GON4L: variants seen among roughly 807,000 people sequenced by gnomAD.
GON4L encodes gon-4 like.
A neutral mutation model predicts 211.8 loss-of-function variants in GON4L; 87 were observed. The observed-to-expected ratio is 0.41, with a 90% confidence interval of 0.35 to 0.49. GON4L has a LOEUF of 0.49. Ranked by LOEUF, GON4L falls within the 20% of genes least tolerant of loss-of-function variation. The pLI is 0.15. For missense variants in GON4L, 2,155 were observed against 2,659.5 expected (o/e 0.81, Z 4.17); for synonymous variants, 875 against 962.6 (o/e 0.91, Z 1.68).
At chr1:155,852,026 G>A (rs1358337802) in intron 2 of GON4L, among the ~76,000 whole-genome samples, 4 of 151,278 alleles carry the variant, frequency 2.6e-5, no homozygotes, top group Admixed American at 6.6e-5. Flanking sequence ...TTAGCTGGAC[G>A]TGGTGGCAGG....
chr1:155,824,478 C>G (rs1326684091), intron 3 of GON4L, among the ~76,000 whole-genome samples: 1 of 136,542 alleles, frequency 7.3e-6, no homozygotes, highest in Non-Finnish European at 1.5e-5. Context: ...GGCACGGTGG[C>G]TCATGCCTGT....
intron 2 of GON4L, among the ~76,000 whole-genome samples, chr1:155,844,665 G>A (rs577538716): frequency 6.6e-6 from 1 of 152,222 alleles, no homozygotes; most frequent in African/African-American, 2.4e-5. Flanking sequence ...GGCTAAGGCA[G>A]GAGGATCACT....
At chr1:155,807,296 A>G (rs148976416) in intron 10 of GON4L, among the ~76,000 whole-genome samples, 2 of 152,046 alleles carry the variant, frequency 1.3e-5, no homozygotes, top group Admixed American at 1.3e-4. Flanking sequence ...GCTATGCAAG[A>G]GCCAACGTGG....
chr1:155,765,427 T>C lies in GON4L; in HGVS notation c.4046A>G (p.Lys1349Arg), dbSNP rs1228644065. The change falls in exon 21 of 32, where the codon AAA becomes AGA. Residue 1349 changes from lysine (K) to arginine (R), a missense_variant. Lys to Arg is a conservative substitution (Grantham distance 26). Transcript: ENST00000368331. ...SPERDICDDI[K>R]VEHAVELDTG... ...GTCCAATTCCACAGCATGTTCCACT[T>C]TGATGTCATCACAAATATCACGCTC... The C allele has an allele frequency of 5.0e-6, 8 of 1,614,084 alleles. No homozygotes were observed. Among genetic ancestry groups the C allele is most frequent in the East Asian group, 2.2e-5 (1 of 44,902 alleles).
intron 28 of GON4L, among the ~76,000 whole-genome samples, chr1:155,753,787 C>G (rs1481255850): frequency 1.3e-5 from 2 of 152,106 alleles, no homozygotes. Flanking sequence ...TGGTGGTACA[C>G]TATAGCCTCA....
At chr1:155,804,918 T>TA in intron 11 of GON4L, 31 bp downstream of exon 11, 1 of 1,501,480 alleles carries the variant, frequency 6.7e-7, no homozygotes, top group Non-Finnish European at 9.3e-7. Flanking sequence ...TAATGGACAG[T>TA]ATACATAATA....
intron 1 of GON4L, among the ~76,000 whole-genome samples, chr1:155,854,803 A>C (rs562983097): frequency 8.2e-4 from 125 of 152,310 alleles, no homozygotes; most frequent in Non-Finnish European, 1.7e-3. Context: ...TGGGAGGCCA[A>C]GGTGGGCAGA....
intron 11 of GON4L, among the ~76,000 whole-genome samples, chr1:155,799,243 T>C (rs1394841294): frequency 6.6e-6 from 1 of 152,188 alleles, no homozygotes; most frequent in African/African-American, 2.4e-5. Context: ...AAGACCAGCC[T>C]GACCAATATG....
intron 2 of GON4L, among the ~76,000 whole-genome samples, chr1:155,850,005 T>G (rs1260126986): frequency 7.4e-6 from 1 of 135,250 alleles, no homozygotes; most frequent in African/African-American, 2.7e-5. Flanking sequence ...AAAAAAAGAA[T>G]AAAAGAGAAA....
At chr1:155,829,044 C>A (rs539857105) in intron 2 of GON4L, among the ~76,000 whole-genome samples, 3 of 152,024 alleles carry the variant, frequency 2.0e-5, no homozygotes, top group African/African-American at 7.3e-5. Context: ...CATTTTCTTT[C>A]AAAACACATG....
At chr1:155,818,191 C>T (rs2102226710) in intron 6 of GON4L, among the ~76,000 whole-genome samples, 1 of 151,784 alleles carries the variant, frequency 6.6e-6, no homozygotes, top group East Asian at 1.9e-4. Context: ...GCATGGTCTC[C>T]GCTCACTGCA....
intron 14 of GON4L, 69 bp from the exon 15 acceptor site, chr1:155,777,889 A>C: frequency 1.1e-6 from 1 of 913,816 alleles, no homozygotes; most frequent in Non-Finnish European, 1.8e-6. Flanking sequence ...AATTCGTTCC[A>C]ATGATGAGCA....
rs1389703969 is a variant in GON4L, at chr1:155,827,003, C to G, written c.531G>C (p.Gly177=). The change falls in exon 3 of 32, where the codon GGG becomes GGC. Residue 177 remains glycine, a synonymous_variant. Transcript: ENST00000368331. ...EGGKPQMNSE[G]EIPSLPSGSQ... is the part of the protein sequence containing the mutation. ...TGCCTGATGGCAGGGAAGGTATCTC[C>G]CCTTCAGAATTCATTTGAGGTTTCC... 1.2e-6 allele frequency: 2 copies of G among 1,613,656 alleles called. No homozygotes were observed. Among genetic ancestry groups the G allele is most frequent in the East Asian group, 4.5e-5 (2 of 44,880 alleles).
intron 14 of GON4L, among the ~76,000 whole-genome samples, chr1:155,783,504 A>G (rs933252359): frequency 1.8e-4 from 28 of 152,228 alleles, no homozygotes; most frequent in Admixed American, 8.5e-4. Flanking sequence ...ATGCTGTAAC[A>G]CAAGTGCCAA....
chr1:155,777,564 G>C, intron 15 of GON4L, 58 bp downstream of exon 15: 1 of 1,304,262 alleles, frequency 7.7e-7, no homozygotes, highest in Non-Finnish European at 1.1e-6. Context: ...GGGAGACAGA[G>C]CCAGACTCTG....
intron 12 of GON4L, among the ~76,000 whole-genome samples, chr1:155,785,825 G>A (rs925429685): frequency 5.3e-5 from 8 of 152,144 alleles, no homozygotes; most frequent in South Asian, 2.1e-4. Context: ...GGCCGGGAGC[G>A]GTGGCTCATG....
At chr1:155,790,265 A>G (rs1366052389) in intron 12 of GON4L, among the ~76,000 whole-genome samples, 4 of 151,630 alleles carry the variant, frequency 2.6e-5, no homozygotes, top group Non-Finnish European at 5.9e-5. Flanking sequence ...ACACCCGGCT[A>G]ATTTTTGTAT....
chr1:155,858,705 T>C (rs1672467080), upstream of GON4L, among the ~76,000 whole-genome samples: 1 of 4,318 alleles, frequency 2.3e-4, no homozygotes, highest in Non-Finnish European at 0.031. Flanking sequence ...ACAACCAAAT[T>C]TTTTTTTTTT....
chr1:155,795,017 C>G (rs3738591), intron 12 of GON4L, 33 bp downstream of exon 12: 111,327 of 1,187,952 alleles, frequency 0.094, 16,575 homozygotes, highest in East Asian at 0.68. Flanking sequence ...GCAAAGCAGT[C>G]AAGAGCAGGA....
Sources: gnomAD v4.1 joint callset for allele counts (sites outside exome capture counted in the v4.1 genomes callset) on GRCh38, gnomAD v4.1.1 for gene constraint, MANE v1.5 for transcripts, NCBI Gene and HGNC (gene_info 2026-07-23, HGNC 2026-07-21) for gene names.